Variants in BCLAF3 observed in about 807,000 individuals in gnomAD.
BCLAF3 encodes BCLAF1 and THRAP3 family member 3.
Under a neutral mutation model 51.2 loss-of-function variants are expected in BCLAF3, and 24 were observed. The observed-to-expected ratio is 0.47, with a 90% CI of 0.34 to 0.66. The LOEUF (loss-of-function observed/expected upper bound fraction) is 0.66. Among genes scored for constraint, BCLAF3 ranks in the 30% least tolerant of loss-of-function variants. The pLI is 0.01. For synonymous variants in BCLAF3, 152 were observed against 176.6 expected, an observed-to-expected ratio of 0.86 and a Z score of 1.10; for missense variants, 465 against 525.1, an observed-to-expected ratio of 0.89 and a Z score of 1.12.
intron 5 of BCLAF3, 143 bp downstream of exon 5, chrX:19,955,248 T>C (rs140346102): frequency 0.015 from 5,828 of 399,630 alleles, 52 homozygotes; most frequent in Middle Eastern, 0.024. Context: ...CCTGATACTC[T>C]CTTCAAAAGA....
In BCLAF3 at chrX:19,916,680, A is replaced by T. The variant is rs980140054; in HGVS notation, c.*625T>A. ...ATTGGAAAAGAGCAAATAGTTGTGGAAAAAAACTGAATGAACATATTACTA... is the reference window on the plus strand; with the variant it reads ...ATTGGAAAAGAGCAAATAGTTGTGGTAAAAAACTGAATGAACATATTACTA... On this transcript the variant is annotated 3_prime_UTR_variant, in exon 12 of 12. Coordinates refer to ENST00000379682, the MANE Select transcript of BCLAF3 (RefSeq NM_001367774.2). The T allele has an allele frequency of 8.9e-6, 1 of 112,511 alleles. No homozygotes were observed. The highest frequency in any genetic ancestry group is 1.9e-5 in the Non-Finnish European group (1 of 53,194). 9.3% of individuals were successfully genotyped at this position (112,511 alleles called of 1,213,427 possible).
chrX:19,985,914 G>A (rs896996613), intron 1 of BCLAF3, among the ~76,000 whole-genome samples: 9 of 111,315 alleles, frequency 8.1e-5, no homozygotes, highest in African/African-American at 2.3e-4. Context: ...GCCACTGACT[G>A]CACGTCAGTC....
At chrX:19,923,855 T>A (rs1304036055) in intron 11 of BCLAF3, among the ~76,000 whole-genome samples, 4 of 109,090 alleles carry the variant, frequency 3.7e-5, no homozygotes, top group Non-Finnish European at 7.6e-5. Flanking sequence ...ATTTTTTTTT[T>A]TTTTGAGACA....
At chrX:19,952,949 C>T (rs761382153) in intron 7 of BCLAF3, 39 bp downstream of exon 7, 3 of 1,114,811 alleles carry the variant, frequency 2.7e-6, no homozygotes, top group African/African-American at 3.6e-5. Context: ...AATATACAAA[C>T]AATAAGATAA....
At position 19,924,609 on chromosome X, in the gene BCLAF3, C is replaced by T. The variant is rs528686066; in HGVS notation, c.2106+5176G>A. 8.1e-5 allele frequency among the ~76,000 whole-genome samples: 9 copies of T among 111,622 alleles called. No individual in the cohort carries two copies. The South Asian group carries it at 3.4e-3, about 42-fold the overall frequency. On this transcript the variant is annotated intron_variant, in intron 11 of 11. Transcript: ENST00000379682. ...ATCCCAGTCTCTAACTTCCTTTCTG[C>T]ACTGTCATTATGCCCTCTTCTCTCT...
chrX:19,955,089 C>G (rs1274482869), intron 5 of BCLAF3, among the ~76,000 whole-genome samples: 2 of 111,226 alleles, frequency 1.8e-5, no homozygotes, highest in African/African-American at 6.5e-5. Flanking sequence ...TGTTAGGTTA[C>G]CAGTTATTGT....
rs777201337 is a variant in BCLAF3 at position 19,965,638 on chromosome X, T to C, written c.680A>G (p.Tyr227Cys). 5.2e-6 allele frequency: 6 copies of C among 1,158,110 alleles called. No homozygotes were observed. Among genetic ancestry groups the C allele is most frequent in the African/African-American group, 1.8e-5 (1 of 54,977 alleles). The change falls in exon 4 of 12, where the codon TAT becomes TGT. Residue 227 changes from tyrosine (Y) to cysteine (C), a missense_variant. Tyr to Cys is a radical substitution (Grantham distance 194, BLOSUM62 -2). Transcript: ENST00000379682. ...TSKRPKDVERYESREPARNPK... is the reference protein window; with the variant it reads ...TSKRPKDVERCESREPARNPK... ...GTTCCTGGCAGGCTCTCTGCTTTCA[T>C]ACCTCTCCACGTCTTTAGGTCTTTT...
At chrX:19,917,606 T>G (rs1283875596) in intron 11 of BCLAF3, among the ~76,000 whole-genome samples, 1 of 111,905 alleles carries the variant, frequency 8.9e-6, no homozygotes, top group Non-Finnish European at 1.9e-5. Flanking sequence ...TCTTCTGCTA[T>G]TTGGGTGAGT....
At chrX:19,921,803 G>A (rs1415409662) in intron 11 of BCLAF3, among the ~76,000 whole-genome samples, 2 of 109,869 alleles carry the variant, frequency 1.8e-5, no homozygotes. Flanking sequence ...AGGAGTTCGA[G>A]ACCAGCCTGG....
Position 19,955,179 on chromosome X carries a change from C to G in BCLAF3, c.1450+212G>C, listed in dbSNP as rs777198949. On this transcript the variant is annotated intron_variant, in intron 5 of 11. Coordinates refer to ENST00000379682, the MANE Select transcript of BCLAF3 (RefSeq NM_001367774.2). The stretch of plus-strand genomic sequence containing the variant: ...TAACTTGAAAGTTCCAATCTACTAA[C>G]AGTTGAAGCACAAGGTTATTGGAAC... Among the ~76,000 whole-genome samples, 3 of 111,742 alleles carry G rather than the reference C, an allele frequency of 2.7e-5. No homozygotes were observed. In the East Asian group the frequency reaches 8.4e-4, roughly 31 times the overall value.
chrX:19,974,833 G>C (rs2072371603), intron 1 of BCLAF3, among the ~76,000 whole-genome samples: 1 of 111,163 alleles, frequency 9.0e-6, no homozygotes, highest in African/African-American at 3.3e-5. Flanking sequence ...AGTGAGCCGA[G>C]ATCGCACCAC....
chrX:19,970,861 T>C (rs1569509089), intron 1 of BCLAF3, among the ~76,000 whole-genome samples: 1 of 111,259 alleles, frequency 9.0e-6, no homozygotes, highest in Non-Finnish European at 1.9e-5. Flanking sequence ...CTAAATTAAA[T>C]CATAAAAAGA....
At chrX:19,941,037 T>C (rs373307250) in intron 8 of BCLAF3, among the ~76,000 whole-genome samples, 2 of 110,700 alleles carry the variant, frequency 1.8e-5, no homozygotes, top group East Asian at 2.8e-4. Flanking sequence ...ATGAGCATTT[T>C]TTCATGTGTT....
chrX:19,939,015 C>T (rs908792484), intron 8 of BCLAF3, among the ~76,000 whole-genome samples: 18 of 111,719 alleles, frequency 1.6e-4, no homozygotes, highest in African/African-American at 5.9e-4. Flanking sequence ...GTTTTGTGGC[C>T]CCAGCTCTGA....
intron 11 of BCLAF3, among the ~76,000 whole-genome samples, chrX:19,921,841 A>G (rs1215534817): frequency 9.2e-6 from 1 of 108,201 alleles, no homozygotes; most frequent in African/African-American, 3.4e-5. Context: ...CACCTCTACT[A>G]AAAACAAAAA....
chrX:19,934,901 T>C (rs1428659544), intron 10 of BCLAF3, among the ~76,000 whole-genome samples: 3 of 112,105 alleles, frequency 2.7e-5, no homozygotes, highest in African/African-American at 6.5e-5. Context: ...ATATAATACC[T>C]TGGGCCAGGT....
intron 1 of BCLAF3, 79 bp from the exon 2 acceptor site, chrX:19,970,377 G>A: frequency 1.1e-6 from 1 of 875,222 alleles, no homozygotes; most frequent in Non-Finnish European, 1.7e-6. Context: ...GCTGCCAATT[G>A]ACTTAAACCC....
intron 1 of BCLAF3, among the ~76,000 whole-genome samples, chrX:19,978,971 T>C (rs777078990): frequency 5.4e-5 from 6 of 111,084 alleles, no homozygotes; most frequent in Non-Finnish European, 7.6e-5. Context: ...TTTAAGAAAT[T>C]GCCCTAGGCT....
chrX:19,962,566 G>A (rs772063749), intron 4 of BCLAF3, among the ~76,000 whole-genome samples: 2 of 112,260 alleles, frequency 1.8e-5, no homozygotes, highest in Non-Finnish European at 3.8e-5. Context: ...AAGAGGAACT[G>A]TAAACAAAAA....
Sources: gnomAD v4.1 joint callset for allele counts (sites outside exome capture counted in the v4.1 genomes callset) on GRCh38, gnomAD v4.1.1 for gene constraint, MANE v1.5 for transcripts, NCBI Gene and HGNC (gene_info 2026-07-23, HGNC 2026-07-21) for gene names.